Variants in GYPE observed in about 807,000 individuals in gnomAD.
GYPE encodes the protein glycophorin-E.
A neutral mutation model predicts 11.6 loss-of-function variants in GYPE; 8 were observed. The observed-to-expected ratio is 0.69, with a 90% confidence interval of 0.41 to 1.25. The LOEUF is 1.25. Among genes scored for constraint, GYPE ranks in the 50% most tolerant of loss-of-function variants. The pLI, the probability that GYPE is intolerant of heterozygous loss-of-function variation, is 0.01. For synonymous variants in GYPE, 28 were observed against 29.6 expected (o/e 0.94, Z 0.18); for missense variants, 90 against 92.8 (o/e 0.97, Z 0.12).
At chr4:143,895,764 A>G (rs1040489402) in intron 1 of GYPE, among the ~76,000 whole-genome samples, 2 of 150,976 alleles carry the variant, frequency 1.3e-5, no homozygotes, top group African/African-American at 4.9e-5. Flanking sequence ...CTATACTACA[A>G]GGCTACAGTA....
intron 3 of GYPE, among the ~76,000 whole-genome samples, chr4:143,874,214 G>C (rs1022662463): frequency 1.3e-5 from 2 of 152,074 alleles, no homozygotes; most frequent in African/African-American, 2.4e-5. Flanking sequence ...TAGAAAAAAA[G>C]TGTAAAGAAA....
At chr4:143,902,432 A>G (rs370950390) in intron 1 of GYPE, among the ~76,000 whole-genome samples, 9 of 151,816 alleles carry the variant, frequency 5.9e-5, no homozygotes, top group African/African-American at 1.7e-4. Flanking sequence ...TCAGATGCAC[A>G]GGGCAATAAT....
At chr4:143,900,621 A>G (rs1373263717) in intron 1 of GYPE, among the ~76,000 whole-genome samples, 12 of 151,174 alleles carry the variant, frequency 7.9e-5, no homozygotes, top group Non-Finnish European at 1.5e-4. Flanking sequence ...ACAAAATGTG[A>G]TATACCAACA....
At chr4:143,903,793 A>G (rs948896637) in intron 1 of GYPE, among the ~76,000 whole-genome samples, 1 of 77,594 alleles carries the variant, frequency 1.3e-5, no homozygotes, top group Non-Finnish European at 2.6e-5. Context: ...CTGCTTGTGT[A>G]GTTGTAGAAA....
intron 3 of GYPE, among the ~76,000 whole-genome samples, chr4:143,874,569 C>T (rs1018248597): frequency 1.3e-5 from 2 of 152,202 alleles, no homozygotes; most frequent in Non-Finnish European, 2.9e-5. Flanking sequence ...CAGCATATGG[C>T]CAAGGCCTGC....
At chr4:143,874,708 A>T (rs569517404) in intron 3 of GYPE, among the ~76,000 whole-genome samples, 1 of 152,188 alleles carries the variant, frequency 6.6e-6, no homozygotes, top group Non-Finnish European at 1.5e-5. Flanking sequence ...TTGGGACCCC[A>T]GGTCCTTTAG....
intron 1 of GYPE, among the ~76,000 whole-genome samples, chr4:143,890,120 C>T (rs1341665823): frequency 1.3e-5 from 2 of 152,206 alleles, no homozygotes; most frequent in Non-Finnish European, 2.9e-5. Flanking sequence ...TGATAATTCA[C>T]CTTGTTTATA....
intron 1 of GYPE, among the ~76,000 whole-genome samples, chr4:143,902,774 CT>C (rs1171283994): frequency 6.6e-6 from 1 of 152,104 alleles, no homozygotes; most frequent in Non-Finnish European, 1.5e-5. Flanking sequence ...ACACCAGTCC[CT>C]TTGTTTCCTC....
At chr4:143,904,071 G>T (rs936228061) in intron 1 of GYPE, among the ~76,000 whole-genome samples, 1 of 151,752 alleles carries the variant, frequency 6.6e-6, no homozygotes, top group Non-Finnish European at 1.5e-5. Flanking sequence ...CAAACTAAAT[G>T]TTTTCATACT....
intron 1 of GYPE, among the ~76,000 whole-genome samples, chr4:143,899,045 A>G (rs1306893971): frequency 1.4e-5 from 2 of 145,150 alleles, no homozygotes; most frequent in Admixed American, 7.1e-5. Flanking sequence ...AGGCCTCCAG[A>G]ATTTAAAAAC....
intron 1 of GYPE, among the ~76,000 whole-genome samples, chr4:143,900,633 A>G (rs184826477): frequency 0.061 from 9,235 of 151,502 alleles, 401 homozygotes; most frequent in Non-Finnish European, 0.097. Flanking sequence ...ATACCAACAC[A>G]ATGGAATAAC....
intron 1 of GYPE, among the ~76,000 whole-genome samples, chr4:143,904,715 G>T (rs936360563): frequency 1.9e-4 from 29 of 152,080 alleles, no homozygotes; most frequent in Non-Finnish European, 4.1e-4. Flanking sequence ...CCTGCCCCCT[G>T]TGTGCTGGGC....
intron 1 of GYPE, among the ~76,000 whole-genome samples, chr4:143,901,250 A>G (rs1176521026): frequency 1.3e-5 from 2 of 152,186 alleles, no homozygotes; most frequent in Non-Finnish European, 2.9e-5. Flanking sequence ...TTCTTAATAA[A>G]TATCACAAAT....
intron 1 of GYPE, among the ~76,000 whole-genome samples, chr4:143,902,183 C>T (rs1477872811): frequency 5.9e-5 from 9 of 152,020 alleles, no homozygotes; most frequent in Non-Finnish European, 2.9e-5. Flanking sequence ...ATACTGACTG[C>T]CTACTATGTG....
In GYPE at chr4:143,871,286, C is replaced by A. The variant is rs980432043; in HGVS notation, c.*976G>T. ...GTCATTACCTTCAAGGAACCTAAAT[C>A]CTGGTGTTTTTATGGTTACGGGTGG... On this transcript the variant is annotated 3_prime_UTR_variant, in exon 4 of 4. Transcript: ENST00000358615. 1.3e-5 allele frequency: 2 copies of A among 152,054 alleles called. No individual in the cohort carries two copies. Among genetic ancestry groups the A allele is most frequent in the Non-Finnish European group, 2.9e-5 (2 of 68,032 alleles). 9.4% of individuals were successfully genotyped at this position (152,054 alleles called of 1,614,324 possible).
At chr4:143,886,347 A>G (rs1744222864) in intron 1 of GYPE, among the ~76,000 whole-genome samples, 1 of 149,574 alleles carries the variant, frequency 6.7e-6, no homozygotes, top group Admixed American at 6.7e-5. Context: ...ACCTGGAAGG[A>G]GAAACCAAAG....
At chr4:143,902,302 T>G (rs1186316139) in intron 1 of GYPE, among the ~76,000 whole-genome samples, 1 of 146,372 alleles carries the variant, frequency 6.8e-6, no homozygotes, top group Non-Finnish European at 1.5e-5. Context: ...CTGTGCCAAT[T>G]AAATAGACAG....
Position 143,876,731 on chromosome 4 carries a change from A to T in GYPE, c.*9+15T>A, listed in dbSNP as rs749808705. ...ACACTGGTATTTAGAGCAAAATTAA[A>T]AACTGAATTCTCACCTTTATCAGTC... On this transcript the variant is annotated intron_variant, in intron 3 of 3. Transcript: ENST00000358615. 1 of 1,388,940 alleles carries T rather than the reference A, an allele frequency of 7.2e-7. No homozygotes were observed. The highest frequency in any genetic ancestry group is 2.3e-5 in the East Asian group (1 of 43,242). 86.0% of individuals were successfully genotyped at this position (1,388,940 alleles called of 1,614,324 possible). A position where few individuals can be genotyped will look rare whatever the true frequency, so the allele number is the denominator to read the frequency against.
chr4:143,876,765 C>G lies in GYPE; in HGVS notation c.227G>C (p.Cys76Ser). ...TCTCACCTTTATCAGTCATCGAATA[C>G]AGTAAGAAATTAAGATGATCATTCC... Reference protein sequence around the residue: ...VVGMIILISYCIR With the variant: ...VVGMIILISYSIR The change falls in exon 3 of 4, where the codon TGT becomes TCT. Residue 76 changes from cysteine to serine, a missense_variant. By Grantham distance (112) the Cys-to-Ser change is moderately radical. Transcript: ENST00000358615. The G allele has an allele frequency of 6.3e-7, 1 of 1,589,866 alleles. No homozygotes were observed. Among genetic ancestry groups the G allele is most frequent in the Non-Finnish European group, 8.6e-7 (1 of 1,159,170 alleles).
Sources: gnomAD v4.1 joint callset for allele counts (sites outside exome capture counted in the v4.1 genomes callset) on GRCh38, gnomAD v4.1.1 for gene constraint, MANE v1.5 for transcripts, NCBI Gene and HGNC (gene_info 2026-07-23, HGNC 2026-07-21) for gene names.